The following GLIS2 variants were observed in gnomAD, a reference collection of about 807,000 sequenced individuals.
GLIS2 encodes zinc finger protein GLIS2.
In GLIS2, 14 loss-of-function variants were observed where a neutral mutation model predicts 35.6. That is an observed-to-expected ratio of 0.39 (90% confidence interval 0.26 to 0.61). GLIS2 has a LOEUF of 0.61. GLIS2 is among the 20% of genes least tolerant of loss of function. The probability of loss-of-function intolerance (pLI) is 0.48; values close to 1 mark genes in which losing one functional copy is unlikely to be tolerated. For missense variants in GLIS2, 675 were observed against 713.4 expected (o/e 0.95, Z 0.61); for synonymous variants, 368 against 325.1 (o/e 1.13, Z -1.42).
chr16:4,317,614 T>C (rs1647873429), intron 1 of GLIS2, among the ~76,000 whole-genome samples: 1 of 151,778 alleles, frequency 6.6e-6, no homozygotes, highest in African/African-American at 2.4e-5. Flanking sequence ...TGCTTCTCCT[T>C]CTCCCCAGAG....
At chr16:4,334,130 G>T (rs1302751503) in intron 3 of GLIS2, among the ~76,000 whole-genome samples, 1 of 151,726 alleles carries the variant, frequency 6.6e-6, no homozygotes, top group East Asian at 1.9e-4. Flanking sequence ...GTAGAGACAG[G>T]GTTTCTCCAT....
chr16:4,316,521 C>G (rs1267522871), intron 1 of GLIS2, among the ~76,000 whole-genome samples: 1 of 151,732 alleles, frequency 6.6e-6, no homozygotes, highest in Non-Finnish European at 1.5e-5. Context: ...GAGGCCGGGC[C>G]GAGCAGCGCC....
At chr16:4,331,069 C>A (rs977588618) in intron 1 of GLIS2, among the ~76,000 whole-genome samples, 1 of 152,116 alleles carries the variant, frequency 6.6e-6, no homozygotes, top group Non-Finnish European at 1.5e-5. Context: ...CTCTGCGTCC[C>A]GGGTTCACAC....
intron 1 of GLIS2, among the ~76,000 whole-genome samples, chr16:4,318,254 C>G (rs1393148909): frequency 6.6e-6 from 1 of 152,296 alleles, no homozygotes; most frequent in African/African-American, 2.4e-5. Context: ...CACCAACTTC[C>G]AGTGGTCCTT....
chr16:4,333,253 G>A, intron 2 of GLIS2, 94 bp from the exon 3 acceptor site: 3 of 1,426,816 alleles, frequency 2.1e-6, no homozygotes, highest in Non-Finnish European at 2.9e-6. Flanking sequence ...GCTGGTGTCT[G>A]CTCCCAAGGT....
chr16:4,321,582 G>A (rs1474679357), intron 1 of GLIS2, among the ~76,000 whole-genome samples: 1 of 152,106 alleles, frequency 6.6e-6, no homozygotes, highest in Non-Finnish European at 1.5e-5. Flanking sequence ...CCCTCCTGTG[G>A]ATGGGGAAAC....
chr16:4,332,495 G>A lies in GLIS2; in HGVS notation c.172+43G>A. The A allele has an allele frequency of 6.3e-7, 1 of 1,598,372 alleles. No homozygotes were observed. Among genetic ancestry groups the A allele is most frequent in the Non-Finnish European group, 8.5e-7 (1 of 1,175,552 alleles). On this transcript the variant is annotated intron_variant, in intron 2 of 6. Transcript: ENST00000433375. The surrounding 1 kb of genome is among the most constrained non-coding windows in gnomAD (Gnocchi z 5.4). ...GGCAGGGGGACTTAGCCCTGATCCA[G>A]TCATGGTGACAGGGAGAATGGCCAA...
chr16:4,322,487 T>A (rs1169696808), intron 1 of GLIS2, among the ~76,000 whole-genome samples: 1 of 151,898 alleles, frequency 6.6e-6, no homozygotes, highest in East Asian at 1.9e-4. Context: ...ATTCGCGGGG[T>A]CATCAGGGTG....
At chr16:4,327,214 G>C (rs551097675) in intron 1 of GLIS2, among the ~76,000 whole-genome samples, 3 of 152,340 alleles carry the variant, frequency 2.0e-5, no homozygotes, top group Middle Eastern at 6.8e-3. Context: ...TTTATTCAGA[G>C]CAGGACTCCA....
chr16:4,337,189 A>G lies in GLIS2; in HGVS notation c.1240A>G (p.Asn414Asp), dbSNP rs766960013. The change falls in exon 7 of 7, where the codon AAC becomes GAC. Residue 414 changes from asparagine (N) to aspartate (D), a missense_variant. Asn to Asp is a conservative substitution (Grantham distance 23). Coordinates refer to ENST00000433375, the MANE Select transcript of GLIS2 (RefSeq NM_032575.3). ...CGTCCTGCCTCTCAATCTGGCCAAG[A>G]ACCCGCTGCTGCCCTCGCCCTTTGG... The part of the protein sequence containing the change: ...GPVLPLNLAK[N>D]PLLPSPFGAG... The G allele has an allele frequency of 6.9e-5, 106 of 1,545,194 alleles. No homozygotes were observed. The highest frequency in any genetic ancestry group is 8.5e-5 in the Non-Finnish European group (97 of 1,146,978).
chr16:4,336,739 G>A lies in GLIS2; in HGVS notation c.790G>A (p.Val264Ile), dbSNP rs372331480. Residue 264 changes from valine to isoleucine, a missense_variant, in exon 7 of 7, where the codon GTC becomes ATC. This residue lies in a region of GLIS2 where 133 missense variants were observed against 191.4 expected (regional missense o/e 0.69). Transcript: ENST00000433375. Reference sequence around the variant, plus strand: ...CCACCCTGCAGGTGAGAAGCCCTACGTCTGCCCCTACGAGGGCTGCAACAA... The same window carrying A: ...CCACCCTGCAGGTGAGAAGCCCTACATCTGCCCCTACGAGGGCTGCAACAA... ...NRSHTGEKPYVCPYEGCNKRY... is the reference protein window; with the variant it reads ...NRSHTGEKPYICPYEGCNKRY... 1.0e-5 allele frequency: 16 copies of A among 1,604,258 alleles called. No individual in the cohort carries two copies. Among genetic ancestry groups the A allele is most frequent in the African/African-American group, 4.0e-5 (3 of 74,702 alleles).
upstream of GLIS2, among the ~76,000 whole-genome samples, chr16:4,316,019 G>T (rs1160308044): frequency 4.2e-5 from 1 of 23,834 alleles, no homozygotes; most frequent in South Asian, 9.3e-4. Flanking sequence ...CCTCCCGCCC[G>T]CCCGCCCTCC....
In GLIS2 at chr16:4,336,759, C is replaced by T; in HGVS notation, c.810C>T (p.Cys270=). Residue 270 remains cysteine, a synonymous_variant, in exon 7 of 7, where the codon TGC becomes TGT. Coordinates refer to ENST00000433375, the MANE Select transcript of GLIS2 (RefSeq NM_032575.3). ...CCTACGTCTGCCCCTACGAGGGCTG[C>T]AACAAGCGCTATTCCAACTCCAGTG... is the stretch of plus-strand genomic sequence containing the variant. ...EKPYVCPYEG[C]NKRYSNSSDR... is the part of the protein sequence containing the mutation. 3.1e-6 allele frequency: 5 copies of T among 1,610,334 alleles called. No homozygotes were observed. The highest frequency in any genetic ancestry group is 4.2e-6 in the Non-Finnish European group (5 of 1,178,780).
rs2053555131 is a variant in GLIS2 at position 4,336,705 on chromosome 16, T to G, written c.776-20T>G. ...GGGGAGAGACCCCTCATGGCGGCAC[T>G]GCACTGCACCACCCTGCAGGTGAGA... On this transcript the variant is annotated intron_variant, in intron 6 of 6. Transcript: ENST00000433375. 1 of 1,580,084 alleles carries G rather than the reference T, an allele frequency of 6.3e-7. No homozygotes were observed. The highest frequency in any genetic ancestry group is 2.3e-5 in the East Asian group (1 of 42,830).
chr16:4,336,187 C>T (rs2053549255), intron 6 of GLIS2: 1 of 215,474 alleles, frequency 4.6e-6, no homozygotes, highest in Non-Finnish European at 9.4e-6. Flanking sequence ...CACTCTGTCA[C>T]CCAGGCTGGA....
chr16:4,330,789 A>C (rs554998107), intron 1 of GLIS2, among the ~76,000 whole-genome samples: 27 of 152,312 alleles, frequency 1.8e-4, no homozygotes, highest in African/African-American at 6.5e-4. Context: ...CTTGTTGGGA[A>C]CAGGCCCCCC....
At chr16:4,336,339 G>T in intron 6 of GLIS2, 1 of 404,640 alleles carries the variant, frequency 2.5e-6, no homozygotes, top group South Asian at 2.3e-5. Context: ...TAGAGACGGG[G>T]TCTCACCATG....
intron 6 of GLIS2, 103 bp from the exon 7 acceptor site, chr16:4,336,622 G>A: frequency 8.5e-7 from 1 of 1,180,336 alleles, no homozygotes; most frequent in Non-Finnish European, 1.2e-6. Context: ...GGGCATCTAT[G>A]TTCCCAGGGA....
chr16:4,316,705 C>T (rs908103298), intron 1 of GLIS2, among the ~76,000 whole-genome samples: 2 of 152,152 alleles, frequency 1.3e-5, no homozygotes, highest in African/African-American at 4.8e-5. Flanking sequence ...AAGGTGCCTC[C>T]TCCCTTGGCC....
Sources: allele counts gnomAD v4.1 joint callset (sites outside exome capture counted in the v4.1 genomes callset), GRCh38; gene constraint gnomAD v4.1.1; regional missense constraint gnomAD v4.1.1; non-coding constraint Gnocchi (gnomAD v3.1); transcripts MANE v1.5; gene names NCBI Gene and HGNC (gene_info 2026-07-23, HGNC 2026-07-21).